The following ABL1 variants were observed in gnomAD, a reference collection of about 807,000 sequenced individuals.
ABL1 encodes the protein tyrosine-protein kinase ABL1.
A neutral mutation model predicts 94.7 loss-of-function variants in ABL1; 11 were observed. That is an observed-to-expected ratio of 0.12 (90% CI 0.07 to 0.19). The LOEUF (loss-of-function observed/expected upper bound fraction) is 0.19. Among genes scored for constraint, ABL1 ranks in the 10% least tolerant of loss-of-function variants. The pLI is 1.00. For missense variants in ABL1, 1,082 were observed against 1,489.4 expected (o/e 0.73, Z 4.50); for synonymous variants, 656 against 622.4 (o/e 1.05, Z -0.80).
intron 1 of ABL1, among the ~76,000 whole-genome samples, chr9:130,836,824 C>CAAAAAAAAAAA (rs565723193): frequency 1.3e-5 from 1 of 77,218 alleles, no homozygotes; most frequent in African/African-American, 3.9e-5. Flanking sequence ...GACTCGGTCT[C>CAAAAAAAAAAA]AAAAAAAAAA....
intron 1 of ABL1, among the ~76,000 whole-genome samples, chr9:130,828,624 T>A (rs1830457401): frequency 1.3e-5 from 2 of 152,060 alleles, no homozygotes; most frequent in African/African-American, 4.8e-5. Flanking sequence ...GGATAATCGC[T>A]TGAACCCAGG....
At chr9:130,771,181 A>G (rs985291826) in intron 1 of ABL1, among the ~76,000 whole-genome samples, 3 of 152,162 alleles carry the variant, frequency 2.0e-5, no homozygotes, top group Non-Finnish European at 4.4e-5. Context: ...GTAGGCCAGC[A>G]TTGAGTATTA....
intron 1 of ABL1, among the ~76,000 whole-genome samples, chr9:130,730,812 T>G (rs1375887952): frequency 6.6e-6 from 1 of 151,886 alleles, no homozygotes; most frequent in Non-Finnish European, 1.5e-5. Flanking sequence ...GGTCAAACCA[T>G]CCACCCACCT....
chr9:130,853,009 G>C (rs1830899320), intron 1 of ABL1, among the ~76,000 whole-genome samples: 1 of 152,070 alleles, frequency 6.6e-6, no homozygotes, highest in Non-Finnish European at 1.5e-5. Flanking sequence ...AGGCAGTGAA[G>C]GTGTGCGTCT....
chr9:130,798,080 T>C (rs955130611), intron 1 of ABL1, among the ~76,000 whole-genome samples: 2 of 152,272 alleles, frequency 1.3e-5, no homozygotes, highest in Admixed American at 6.5e-5. Context: ...TCAAATACTT[T>C]TTGATTGAAA....
At chr9:130,879,035 G>A (rs569531279) in intron 8 of ABL1, among the ~76,000 whole-genome samples, 9 of 151,954 alleles carry the variant, frequency 5.9e-5, no homozygotes, top group Non-Finnish European at 1.3e-4. Context: ...GCACCACCAC[G>A]CCCGGCTAAT....
At chr9:130,732,385 A>G (rs556901993) in intron 1 of ABL1, among the ~76,000 whole-genome samples, 23 of 152,232 alleles carry the variant, frequency 1.5e-4, no homozygotes, top group African/African-American at 5.5e-4. Context: ...GAAAGGGGAC[A>G]TTTACTCAAC....
intron 1 of ABL1, among the ~76,000 whole-genome samples, chr9:130,843,522 C>T (rs182576570): frequency 6.6e-6 from 1 of 152,242 alleles, no homozygotes; most frequent in Non-Finnish European, 1.5e-5. Flanking sequence ...CCTGTCCACC[C>T]AGAGCCCATG....
chr9:130,717,121 C>T (rs531278624), intron 1 of ABL1, among the ~76,000 whole-genome samples: 55 of 152,250 alleles, frequency 3.6e-4, no homozygotes, highest in Middle Eastern at 3.4e-3. Flanking sequence ...CGGCTCACTA[C>T]AACCTCCACC....
At chr9:130,840,263 T>C (rs1273866079) in intron 1 of ABL1, among the ~76,000 whole-genome samples, 1 of 152,234 alleles carries the variant, frequency 6.6e-6, no homozygotes, top group Non-Finnish European at 1.5e-5. Flanking sequence ...TTCCTGTCCT[T>C]GATTTTTGGC....
chr9:130,750,991 T>C (rs956219398), intron 1 of ABL1, among the ~76,000 whole-genome samples: 2 of 151,692 alleles, frequency 1.3e-5, no homozygotes, highest in Admixed American at 1.3e-4. Flanking sequence ...ATTGAGGTAG[T>C]TGTAGAGGAG....
chr9:130,881,888 C>CA (rs1178368722), intron 10 of ABL1, among the ~76,000 whole-genome samples: 170 of 118,798 alleles, frequency 1.4e-3, no homozygotes, highest in Non-Finnish European at 1.6e-3. Context: ...AAAAAAAAAA[C>CA]AAAAAAAAAC....
chr9:130,827,170 A>G (rs984294653), intron 1 of ABL1, among the ~76,000 whole-genome samples: 16 of 152,188 alleles, frequency 1.1e-4, no homozygotes, highest in African/African-American at 3.6e-4. Flanking sequence ...GGCCGAAAAT[A>G]GTGGAGTGGG....
Position 130,885,993 on chromosome 9 carries a change from C to A in ABL1, c.*310C>A. ...CCCCGCTCCCACCTAGTGCCCCAGA[C>A]TGAGCTCTCCAGGCCAGGTGGGAAC... On this transcript the variant is annotated 3_prime_UTR_variant, in exon 11 of 11. Coordinates refer to ENST00000318560, the MANE Select transcript of ABL1 (RefSeq NM_005157.6). 2.5e-6 allele frequency: 1 copy of A among 402,754 alleles called. No individual in the cohort carries two copies. The highest frequency in any genetic ancestry group is 4.0e-5 in the South Asian group (1 of 25,136). 24.9% of individuals were successfully genotyped at this position (402,754 alleles called of 1,614,324 possible). A position where few individuals can be genotyped will look rare whatever the true frequency, so the allele number is the denominator to read the frequency against.
In ABL1 at chr9:130,809,381, T is replaced by TGAGAGAGA. The variant is rs370101656; in HGVS notation, c.137-44653_137-44646dup. ...GAAGAGTTGTATTAGTGAAGGTTCT[T>TGAGAGAGA]GAGAGAGAGAGAGAGAGAGAGAGAG... On this transcript the variant is annotated intron_variant, in intron 1 of 10. Coordinates refer to the ABL1 transcript ENST00000372348. Among the ~76,000 whole-genome samples the TGAGAGAGA allele has an allele frequency of 3.2e-3, 430 of 132,610 alleles. 5 individuals are homozygous for TGAGAGAGA. The highest frequency in any genetic ancestry group is 0.012 in the Middle Eastern group (3 of 258). 87.0% of individuals were successfully genotyped at this position (132,610 alleles called of 152,430 possible).
chr9:130,735,879 G>A (rs967233276), intron 1 of ABL1, among the ~76,000 whole-genome samples: 10 of 136,440 alleles, frequency 7.3e-5, no homozygotes, highest in South Asian at 2.4e-4. Context: ...ACCATTTTGC[G>A]TATGTCTGTG....
At chr9:130,782,656 T>G (rs547778193) in intron 1 of ABL1, among the ~76,000 whole-genome samples, 1 of 152,208 alleles carries the variant, frequency 6.6e-6, no homozygotes, top group Non-Finnish European at 1.5e-5. Context: ...TGCCAAGATA[T>G]AATGCGCTGA....
chr9:130,810,671 A>C (rs1272841467), intron 1 of ABL1, among the ~76,000 whole-genome samples: 1 of 152,070 alleles, frequency 6.6e-6, no homozygotes, highest in East Asian at 1.9e-4. Context: ...AAAGTGAGGG[A>C]CAACATCAGG....
In ABL1 at chr9:130,863,333, C is replaced by T. The variant is rs1191348572; in HGVS notation, c.822+298C>T. The stretch of plus-strand genomic sequence containing the variant: ...TTTTATGGCAAGGTTCTTTTAAAGC[C>T]GTGGATTTCCATGCTGTTCGTGCGG... On this transcript the variant is annotated intron_variant, in intron 4 of 10. Coordinates refer to ENST00000318560, the MANE Select transcript of ABL1 (RefSeq NM_005157.6). The surrounding 1 kb of genome is among the most constrained non-coding windows in gnomAD (Gnocchi z 4.3). 6.6e-6 allele frequency among the ~76,000 whole-genome samples: 1 copy of T among 152,058 alleles called. No homozygotes were observed. The highest frequency in any genetic ancestry group is 1.9e-4 in the East Asian group (1 of 5,186).
Sources: gnomAD v4.1 joint callset for allele counts (sites outside exome capture counted in the v4.1 genomes callset) on GRCh38, gnomAD v4.1.1 for gene constraint, Gnocchi (gnomAD v3.1) non-coding constraint, MANE v1.5 for transcripts, NCBI Gene and HGNC (gene_info 2026-07-23, HGNC 2026-07-21) for gene names.